DPP6: variants seen among roughly 807,000 people sequenced by gnomAD.
The protein encoded by DPP6 is dipeptidyl peptidase like 6.
Under a neutral mutation model 122.6 loss-of-function variants are expected in DPP6, and 69 were observed. The observed-to-expected ratio is 0.56, with a 90% confidence interval of 0.46 to 0.69. The LOEUF is 0.69. DPP6 is among the 30% of genes least tolerant of loss of function. The probability of loss-of-function intolerance (pLI) is 0.00; values close to 1 mark genes in which losing one functional copy is unlikely to be tolerated. For synonymous variants in DPP6, 418 were observed against 433.1 expected (o/e 0.97, Z 0.43); for missense variants, 928 against 1,116.9 (o/e 0.83, Z 2.41).
chr7:154,853,968 G>T (rs1802611849), intron 17 of DPP6, 141 bp downstream of exon 17: 5 of 1,156,320 alleles, frequency 4.3e-6, no homozygotes, highest in Non-Finnish European at 6.1e-6. Context: ...AATAGGCCAT[G>T]CTGATCACCA....
intron 3 of DPP6, among the ~76,000 whole-genome samples, chr7:154,515,651 G>C (rs1034793848): frequency 2.0e-5 from 3 of 152,006 alleles, no homozygotes; most frequent in African/African-American, 7.2e-5. Context: ...AATTTTTTGT[G>C]TTTTTGGTAA....
intron 1 of DPP6, among the ~76,000 whole-genome samples, chr7:154,015,576 A>G (rs1798365145): frequency 6.6e-6 from 1 of 152,162 alleles, no homozygotes; most frequent in Non-Finnish European, 1.5e-5. Context: ...GTTCCATCTC[A>G]GTAAATGGCA....
intron 4 of DPP6, among the ~76,000 whole-genome samples, chr7:154,549,087 T>C (rs1829437428): frequency 6.6e-6 from 1 of 152,174 alleles, no homozygotes; most frequent in South Asian, 2.1e-4. Context: ...CCATTGTGTG[T>C]AGTCTTTAGT....
chr7:153,799,404 G>A, the DPP6 span, among the ~76,000 whole-genome samples: 57 of 152,150 alleles, frequency 3.7e-4, 1 homozygote, highest in Non-Finnish European at 5.4e-4. Flanking sequence ...GCTCCTAATC[G>A]CCCATTTTTC....
At chr7:153,915,745 A>T (rs1304421351) in intron 1 of DPP6, among the ~76,000 whole-genome samples, 1 of 152,136 alleles carries the variant, frequency 6.6e-6, no homozygotes, top group Non-Finnish European at 1.5e-5. Flanking sequence ...CCCATGCTGC[A>T]TGGGTGTGAA....
At position 154,540,700 on chromosome 7, in the gene DPP6, T is replaced by C; in HGVS notation, c.552+74T>C. 3 of 950,656 alleles carry C rather than the reference T, an allele frequency of 3.2e-6. No homozygotes were observed. In the South Asian group the frequency reaches 4.9e-5, roughly 16 times the overall value. 58.9% of individuals were successfully genotyped at this position (950,656 alleles called of 1,614,324 possible). On this transcript the variant is annotated intron_variant, in intron 4 of 25. Transcript: ENST00000377770. Reference sequence around the variant, plus strand: ...AAGTCAATAAAACAGAAAATGACTTTTGGTTTCAACTTTTAGCATAGCCAA... The same window carrying C: ...AAGTCAATAAAACAGAAAATGACTTCTGGTTTCAACTTTTAGCATAGCCAA...
intron 1 of DPP6, among the ~76,000 whole-genome samples, chr7:154,285,256 T>C (rs192061168): frequency 6.6e-5 from 10 of 152,316 alleles, no homozygotes; most frequent in East Asian, 5.8e-4. Flanking sequence ...TATATCATAC[T>C]AGTTTGTTGT....
rs1459282929 is a variant in DPP6 at position 154,129,919 on chromosome 7, G to A, written c.243+76856G>A. On this transcript the variant is annotated intron_variant, in intron 1 of 25. Coordinates refer to ENST00000377770, the MANE Select transcript of DPP6 (RefSeq NM_130797.4). ...TGTCTCAAAAAAAAAAAAAGAAAAA[G>A]AAAAAAATTAGCTGGGCATGGTGAC... Among the ~76,000 whole-genome samples, 565 of 149,872 alleles carry A rather than the reference G, an allele frequency of 3.8e-3. 5 individuals are homozygous for A. The highest frequency in any genetic ancestry group is 0.013 in the African/African-American group (539 of 40,738).
At chr7:154,120,516 T>A (rs1807370292) in intron 1 of DPP6, among the ~76,000 whole-genome samples, 1 of 152,188 alleles carries the variant, frequency 6.6e-6, no homozygotes, top group Middle Eastern at 3.2e-3. Context: ...AGTGCTGGGA[T>A]AACAGGCTTG....
rs1385867763 is a variant in DPP6 at position 154,605,103 on chromosome 7, T to A, written c.628-32718T>A. The stretch of plus-strand genomic sequence containing the variant: ...CATATTTTGAATTATAAATATGCAC[T>A]GTGTTTTCAAAGAATTTATTTTTCT... On this transcript the variant is annotated intron_variant, in intron 5 of 25. Coordinates refer to ENST00000377770, the MANE Select transcript of DPP6 (RefSeq NM_130797.4). Among the ~76,000 whole-genome samples, 2 of 119,664 alleles carry A rather than the reference T, an allele frequency of 1.7e-5. 1 individual carries two copies. Among genetic ancestry groups the A allele is most frequent in the Admixed American group, 1.9e-4 (2 of 10,560 alleles). The allele number at this position is 119,664 out of a possible 152,430, so 78.5% of individuals were successfully genotyped here.
At chr7:154,303,860 T>C (rs547431094) in intron 1 of DPP6, among the ~76,000 whole-genome samples, 6 of 152,214 alleles carry the variant, frequency 3.9e-5, no homozygotes, top group Non-Finnish European at 8.8e-5. Context: ...AGCCATCAAT[T>C]CCAAAGAAGC....
chr7:154,551,554 C>T (rs1829637674), intron 4 of DPP6, among the ~76,000 whole-genome samples: 1 of 152,106 alleles, frequency 6.6e-6, no homozygotes, highest in South Asian at 2.1e-4. Flanking sequence ...AGATCGGGAT[C>T]ATAAATGGTC....
intron 1 of DPP6, among the ~76,000 whole-genome samples, chr7:154,438,042 G>A (rs947127103): frequency 6.6e-6 from 1 of 152,186 alleles, no homozygotes; most frequent in Non-Finnish European, 1.5e-5. Context: ...ATATGCCGCA[G>A]ACACAGGAGC....
intron 5 of DPP6, among the ~76,000 whole-genome samples, chr7:154,627,434 G>A (rs1054839597): frequency 2.6e-5 from 4 of 151,490 alleles, no homozygotes; most frequent in Non-Finnish European, 4.4e-5. Context: ...TCTTGACCTC[G>A]TGATCCACCT....
chr7:154,650,707 G>A (rs1009081242), intron 6 of DPP6, among the ~76,000 whole-genome samples: 7 of 152,124 alleles, frequency 4.6e-5, no homozygotes, highest in Non-Finnish European at 7.3e-5. Context: ...GTGCTGACAT[G>A]CAGCCTGCCA....
chr7:154,767,237 G>A (rs1289188248), intron 8 of DPP6, among the ~76,000 whole-genome samples: 1 of 152,052 alleles, frequency 6.6e-6, no homozygotes, highest in African/African-American at 2.4e-5. Flanking sequence ...GCACCTTCTC[G>A]CTCTGCCCTG....
At chr7:154,242,452 T>C (rs1413353076) in intron 1 of DPP6, among the ~76,000 whole-genome samples, 1 of 152,120 alleles carries the variant, frequency 6.6e-6, no homozygotes, top group Non-Finnish European at 1.5e-5. Context: ...AAACTGACAG[T>C]GAACTTTTCC....
At chr7:154,078,460 A>G (rs1331490252) in intron 1 of DPP6, among the ~76,000 whole-genome samples, 1 of 152,092 alleles carries the variant, frequency 6.6e-6, no homozygotes, top group Non-Finnish European at 1.5e-5. Flanking sequence ...AAAATGTCAG[A>G]AAATCTTGAA....
At chr7:154,234,954 A>G (rs1801117491) in intron 1 of DPP6, among the ~76,000 whole-genome samples, 1 of 152,130 alleles carries the variant, frequency 6.6e-6, no homozygotes, top group Admixed American at 6.6e-5. Context: ...TTGATACCGG[A>G]CACACAAAGG....
Sources: gnomAD v4.1 joint callset for allele counts (sites outside exome capture counted in the v4.1 genomes callset) on GRCh38, gnomAD v4.1.1 for gene constraint, MANE v1.5 for transcripts, NCBI Gene and HGNC (gene_info 2026-07-23, HGNC 2026-07-21) for gene names.